FAM234B: variants seen among roughly 807,000 people sequenced by gnomAD.
The protein encoded by FAM234B is family with sequence similarity 234 member B.
FAM234B carries 33 observed loss-of-function variants against 69.3 expected under a neutral mutation model. That is an observed-to-expected ratio of 0.48 (90% CI 0.36 to 0.64). The LOEUF (loss-of-function observed/expected upper bound fraction) is 0.64, where lower values mean the gene tolerates loss of function less well. Among genes scored for constraint, FAM234B ranks in the 30% least tolerant of loss-of-function variants. The pLI, the probability that FAM234B is intolerant of heterozygous loss-of-function variation, is 0.00. For synonymous variants in FAM234B, 306 were observed against 306.9 expected, an observed-to-expected ratio of 1.00 and a Z score of 0.03; for missense variants, 697 against 769.7, an observed-to-expected ratio of 0.91 and a Z score of 1.12.
chr12:13,069,603 G>T (rs533660368), intron 9 of FAM234B, among the ~76,000 whole-genome samples: 24 of 152,300 alleles, frequency 1.6e-4, no homozygotes, highest in South Asian at 8.3e-4. Context: ...GAGTGCAGGC[G>T]AGCTGGAGGG....
intron 4 of FAM234B, 49 bp from the exon 5 acceptor site, chr12:13,062,796 C>T: frequency 1.3e-6 from 2 of 1,596,306 alleles, no homozygotes; most frequent in Non-Finnish European, 1.7e-6. Context: ...TCTGCCTTTT[C>T]CAAAGGCAAG....
At chr12:13,061,809 C>G in intron 4 of FAM234B, 46 bp downstream of exon 4, 1 of 1,562,220 alleles carries the variant, frequency 6.4e-7, no homozygotes, top group Non-Finnish European at 8.7e-7. Flanking sequence ...ACGAGCCATA[C>G]TTTTGGATTA....
Position 13,080,716 on chromosome 12 carries a change from GAGA to G in FAM234B, c.*90_*92del. The G allele has an allele frequency of 8.5e-7, 1 of 1,177,556 alleles. No individual in the cohort carries two copies. Among genetic ancestry groups the G allele is most frequent in the Non-Finnish European group, 1.3e-6 (1 of 796,960 alleles). The allele number at this position is 1,177,556 out of a possible 1,614,324, so 72.9% of individuals were successfully genotyped here. A position where few individuals can be genotyped will look rare whatever the true frequency, so the allele number is the denominator to read the frequency against. On this transcript the variant is annotated 3_prime_UTR_variant, in exon 13 of 13. Transcript: ENST00000197268. ...GTCACTGTAAAATCAGTTCTATGGAGAGAAGACTTCTTCGTCCTCATTTACCAC... is the reference window on the plus strand; with the variant it reads ...GTCACTGTAAAATCAGTTCTATGGAGAGACTTCTTCGTCCTCATTTACCAC...
chr12:13,047,551 A>G (rs1306589285), intron 1 of FAM234B, among the ~76,000 whole-genome samples: 1 of 152,208 alleles, frequency 6.6e-6, no homozygotes, highest in Non-Finnish European at 1.5e-5. Context: ...GTATAGTTGC[A>G]TCACTTTCCT....
At chr12:13,056,949 A>T (rs1389728670) in intron 2 of FAM234B, among the ~76,000 whole-genome samples, 2 of 149,200 alleles carry the variant, frequency 1.3e-5, no homozygotes, top group Non-Finnish European at 3.0e-5. Context: ...ATTTTACATG[A>T]ATTTAATCAT....
chr12:13,074,602 TCAG>T (rs1865141183), intron 10 of FAM234B, among the ~76,000 whole-genome samples: 1 of 152,152 alleles, frequency 6.6e-6, no homozygotes, highest in African/African-American at 2.4e-5. Flanking sequence ...TCATAGCAGC[TCAG>T]TCTGGAAAAG....
intron 1 of FAM234B, among the ~76,000 whole-genome samples, chr12:13,052,325 TA>T (rs761123822): frequency 8.5e-5 from 13 of 152,108 alleles, no homozygotes; most frequent in African/African-American, 3.1e-4. Context: ...AAGTTTGGGA[TA>T]GGGGTGGGGA....
intron 3 of FAM234B, among the ~76,000 whole-genome samples, chr12:13,059,889 G>A (rs1018546005): frequency 6.6e-6 from 1 of 152,158 alleles, no homozygotes; most frequent in Non-Finnish European, 1.5e-5. Flanking sequence ...GGTATCTTAC[G>A]TAGTTTGCTT....
intron 10 of FAM234B, among the ~76,000 whole-genome samples, chr12:13,074,426 G>A (rs1234737334): frequency 6.6e-6 from 1 of 152,152 alleles, no homozygotes; most frequent in African/African-American, 2.4e-5. Flanking sequence ...CCTCAAAGAG[G>A]GGGCCAAGGT....
chr12:13,074,109 C>T (rs1865136966), intron 10 of FAM234B, among the ~76,000 whole-genome samples: 2 of 152,160 alleles, frequency 1.3e-5, no homozygotes, highest in Non-Finnish European at 1.5e-5. Context: ...TTCTTGGTGC[C>T]TCAGACTAGC....
chr12:13,045,149 G>T (rs554242985), intron 1 of FAM234B, among the ~76,000 whole-genome samples: 1 of 152,032 alleles, frequency 6.6e-6, no homozygotes, highest in Non-Finnish European at 1.5e-5. Flanking sequence ...CTTCTTTAAG[G>T]CAGCATTAGG....
At chr12:13,071,460 C>T (rs925749273) in intron 10 of FAM234B, 64 bp downstream of exon 10, 1 of 1,453,080 alleles carries the variant, frequency 6.9e-7, no homozygotes, top group Non-Finnish European at 9.6e-7. Context: ...GCAGGGCTGA[C>T]TGTGTTCTGG....
In FAM234B at chr12:13,065,354, T is replaced by A. The variant is rs546581298; in HGVS notation, c.853-1286T>A. ...CCCTCTTTTTCTTGATTTCTTTCCC[T>A]TTGCATTCTAGTATGTCCAAATCTC... On this transcript the variant is annotated intron_variant, in intron 5 of 12. Transcript: ENST00000197268. Among the ~76,000 whole-genome samples the A allele has an allele frequency of 1.7e-3, 252 of 152,322 alleles. 1 individual carries two copies. The highest frequency in any genetic ancestry group is 6.0e-3 in the African/African-American group (249 of 41,582).
At position 13,062,863 on chromosome 12, in the gene FAM234B, T is replaced by C; in HGVS notation, c.740T>C (p.Leu247Ser). 6.2e-7 allele frequency: 1 copy of C among 1,614,056 alleles called. No individual in the cohort carries two copies. Among genetic ancestry groups the C allele is most frequent in the Non-Finnish European group, 8.5e-7 (1 of 1,179,926 alleles). Reference protein sequence around the residue: ...NATSGKAIWTLNPNYLSNGTL... With the variant: ...NATSGKAIWTSNPNYLSNGTL... ...TCCTCAGGGAAAGCCATTTGGACTT[T>C]AAACCCAAACTACTTGTCCAACGGT... is the stretch of plus-strand genomic sequence containing the variant. The change falls in exon 5 of 13, where the codon TTA becomes TCA. Residue 247 changes from leucine (L) to serine (S), a missense_variant. Transcript: ENST00000197268.
intron 1 of FAM234B, among the ~76,000 whole-genome samples, chr12:13,051,232 G>A (rs1429812323): frequency 1.3e-5 from 2 of 152,126 alleles, no homozygotes; most frequent in East Asian, 1.9e-4. Context: ...ATAAATTCCT[G>A]TAGCATATGC....
intron 10 of FAM234B, among the ~76,000 whole-genome samples, chr12:13,075,493 A>G (rs1436292986): frequency 6.8e-6 from 1 of 146,782 alleles, no homozygotes; most frequent in African/African-American, 2.5e-5. Flanking sequence ...GCTGGAGTGC[A>G]GTGGCATGAT....
At chr12:13,055,439 A>AT (rs1864917735) in intron 1 of FAM234B, 112 bp from the exon 2 acceptor site, 6 of 1,091,848 alleles carry the variant, frequency 5.5e-6, no homozygotes, top group Middle Eastern at 3.0e-4. Context: ...GTAAACCTGG[A>AT]TTTTTTTGTT....
intron 3 of FAM234B, among the ~76,000 whole-genome samples, chr12:13,060,599 C>T (rs1226135707): frequency 1.3e-5 from 2 of 151,804 alleles, no homozygotes; most frequent in Non-Finnish European, 2.9e-5. Context: ...TCATATATAT[C>T]TTCTGGCAAC....
Position 13,055,762 on chromosome 12 carries a change from C to G in FAM234B, c.249C>G (p.Pro83=). 6.2e-7 allele frequency: 1 copy of G among 1,614,238 alleles called. No homozygotes were observed. The highest frequency in any genetic ancestry group is 1.1e-5 in the South Asian group (1 of 91,092). ...HLSEVTTEGY[P]SEPLGGLEQK... The stretch of plus-strand genomic sequence containing the variant: ...CAGAAGTCACCACGGAGGGCTACCC[C>G]TCAGAACCCCTTGGGGGCCTGGAAC... Residue 83 remains proline (P), a synonymous_variant, in exon 2 of 13, where the codon CCC becomes CCG. Coordinates refer to ENST00000197268, the MANE Select transcript of FAM234B (RefSeq NM_020853.2).
Sources: allele counts gnomAD v4.1 joint callset (sites outside exome capture counted in the v4.1 genomes callset), GRCh38; gene constraint gnomAD v4.1.1; transcripts MANE v1.5; gene names NCBI Gene and HGNC (gene_info 2026-07-23, HGNC 2026-07-21).